Variants in RADX observed in about 807,000 individuals in gnomAD.
RADX encodes the protein RPA-related protein RADX.
A neutral mutation model predicts 61.6 loss-of-function variants in RADX; 36 were observed. The ratio of observed to expected loss-of-function variants is 0.58; its 90% CI spans 0.45 to 0.77. The LOEUF is 0.77. Ranked by LOEUF, RADX falls within the 30% of genes least tolerant of loss-of-function variation. The probability of loss-of-function intolerance (pLI) is 0.00; values close to 1 mark genes in which losing one functional copy is unlikely to be tolerated. For missense variants in RADX, 497 were observed against 651.1 expected (o/e 0.76, Z 2.58); for synonymous variants, 272 against 237.9 (o/e 1.14, Z -1.32).
At chrX:106,617,362 A>G (rs1475963174) in intron 1 of RADX, among the ~76,000 whole-genome samples, 1 of 110,710 alleles carries the variant, frequency 9.0e-6, no homozygotes, top group Non-Finnish European at 1.9e-5. Context: ...GTTCAGAAAA[A>G]GCTTATTTAT....
At chrX:106,656,306 C>A (rs990518307) in intron 11 of RADX, among the ~76,000 whole-genome samples, 2 of 111,840 alleles carry the variant, frequency 1.8e-5, no homozygotes, top group Non-Finnish European at 3.8e-5. Flanking sequence ...TCCACCACTT[C>A]TGCAGTTACT....
At chrX:106,648,421 C>T (rs1279910589) in intron 11 of RADX, 35 bp downstream of exon 11, 37 of 912,909 alleles carry the variant, frequency 4.1e-5, no homozygotes, top group Non-Finnish European at 5.2e-5. Context: ...TTTATGAAAA[C>T]TTTATGAAAC....
At chrX:106,653,764 C>T (rs180778909) in intron 11 of RADX, among the ~76,000 whole-genome samples, 40 of 110,778 alleles carry the variant, frequency 3.6e-4, no homozygotes, top group Non-Finnish European at 2.3e-4. Flanking sequence ...TCAACTCCCA[C>T]TTGTTAGTGA....
chrX:106,671,446 T>C, intron 13 of RADX, among the ~76,000 whole-genome samples: 1 of 112,049 alleles, frequency 8.9e-6, no homozygotes. Context: ...TGTGTGTCAA[T>C]AAAATCTTTA....
intron 13 of RADX, among the ~76,000 whole-genome samples, chrX:106,672,859 C>G (rs995379744): frequency 8.9e-6 from 1 of 112,142 alleles, no homozygotes. Context: ...GTCCCTCCCC[C>G]TCTTTGCTTC....
intron 13 of RADX, among the ~76,000 whole-genome samples, chrX:106,677,626 T>C (rs1446374269): frequency 1.8e-5 from 2 of 111,045 alleles, no homozygotes; most frequent in African/African-American, 6.6e-5. Context: ...AAATACACTT[T>C]AAAAGATGCA....
At chrX:106,629,976 C>G (rs1289510081) in intron 3 of RADX, among the ~76,000 whole-genome samples, 1 of 111,675 alleles carries the variant, frequency 9.0e-6, no homozygotes, top group Non-Finnish European at 1.9e-5. Flanking sequence ...TAAAATTTTA[C>G]AACTATTCAT....
Position 106,662,168 on chromosome X carries a change from T to C in RADX, c.2132T>C (p.Met711Thr). Residue 711 changes from methionine (M) to threonine (T), a missense_variant, in exon 12 of 14, where the codon ATG becomes ACG. Around this residue, in one of 3 missense-constraint regions of RADX, gnomAD observed 267 missense variants for 306.9 expected, o/e 0.87. Transcript: ENST00000372548. ...VYPESIPRKF[M>T]FEHRKFLSDQ... Reference sequence around the variant, plus strand: ...CCTGAAAGTATTCCACGGAAATTTATGTTTGAACACAGAAAGTTTCTTAGT... The same window carrying C: ...CCTGAAAGTATTCCACGGAAATTTACGTTTGAACACAGAAAGTTTCTTAGT... 2 of 1,211,005 alleles carry C rather than the reference T, an allele frequency of 1.7e-6. No homozygotes were observed. Among genetic ancestry groups the C allele is most frequent in the Non-Finnish European group, 1.1e-6 (1 of 895,261 alleles).
intron 1 of RADX, 31 bp from the exon 2 acceptor site, chrX:106,622,620 C>T (rs769211615): frequency 9.6e-7 from 1 of 1,036,409 alleles, no homozygotes; most frequent in South Asian, 2.0e-5. Context: ...ACATGTTAAA[C>T]AGGATTTCTT....
At chrX:106,672,477 A>ACTTTCTCT (rs747716278) in intron 13 of RADX, among the ~76,000 whole-genome samples, 3 of 105,092 alleles carry the variant, frequency 2.9e-5, no homozygotes, top group Non-Finnish European at 5.9e-5. Context: ...TCCCAAAGAT[A>ACTTTCTCT]CTCTCTCTCT....
intron 10 of RADX, among the ~76,000 whole-genome samples, chrX:106,643,959 G>A (rs1236796801): frequency 9.0e-6 from 1 of 111,230 alleles, no homozygotes; most frequent in East Asian, 2.8e-4. Flanking sequence ...TCTTTCATCA[G>A]TGTTTTATAG....
intron 3 of RADX, among the ~76,000 whole-genome samples, chrX:106,630,820 C>G (rs1927199058): frequency 9.0e-6 from 1 of 110,949 alleles, no homozygotes; most frequent in Admixed American, 9.6e-5. Context: ...GGCTTAGTAC[C>G]TGGGTGACAA....
intron 11 of RADX, among the ~76,000 whole-genome samples, chrX:106,656,161 T>C (rs1041275241): frequency 8.0e-5 from 9 of 112,324 alleles, no homozygotes; most frequent in African/African-American, 2.6e-4. Context: ...TCACCAGGAA[T>C]AGATTCAATC....
intron 10 of RADX, 25 bp downstream of exon 10, chrX:106,640,746 G>A: frequency 9.6e-7 from 1 of 1,046,157 alleles, no homozygotes; most frequent in African/African-American, 1.9e-5. Context: ...TTAAGTATAT[G>A]TAAAGTATAT....
intron 7 of RADX, among the ~76,000 whole-genome samples, 191 bp from the exon 8 acceptor site, chrX:106,637,569 T>C (rs73529269): frequency 0.17 from 18,589 of 111,394 alleles, 3,864 homozygotes; most frequent in African/African-American, 0.58. Context: ...TGTCTGATTT[T>C]CTTCTTAGGA....
chrX:106,665,280 G>A (rs1246214740), intron 12 of RADX, among the ~76,000 whole-genome samples: 2 of 111,700 alleles, frequency 1.8e-5, no homozygotes, highest in South Asian at 7.5e-4. Context: ...AGTAGTAAAT[G>A]TTTGAGGTTT....
chrX:106,640,634 C>T lies in RADX; in HGVS notation c.1817C>T (p.Pro606Leu), dbSNP rs765603048. ...RNGKRHQDDEPVNSQYFQTTS... is the reference protein window; with the variant it reads ...RNGKRHQDDELVNSQYFQTTS... ...GGTAAACGGCATCAAGATGATGAGC[C>T]TGTGAATTCTCAGTATTTCCAAACT... Residue 606 changes from proline to leucine, a missense_variant, in exon 10 of 14, where the codon CCT becomes CTT. Transcript: ENST00000372548. 4.2e-6 allele frequency: 5 copies of T among 1,190,898 alleles called. No individual in the cohort carries two copies. Among genetic ancestry groups the T allele is most frequent in the Non-Finnish European group, 5.7e-6 (5 of 878,371 alleles).
At chrX:106,619,602 C>T (rs767313639) in intron 1 of RADX, among the ~76,000 whole-genome samples, 2 of 111,643 alleles carry the variant, frequency 1.8e-5, no homozygotes, top group African/African-American at 6.5e-5. Context: ...AAACTTTTTT[C>T]ATTTTCTTCC....
rs781242514 is a variant in RADX at position 106,658,724 on chromosome X, C to T, written c.1979-3291C>T. On this transcript the variant is annotated intron_variant, in intron 11 of 13. Transcript: ENST00000372548. ...CATGATAACTTTGGCTTTTTAGATG[C>T]TTGTAAATTCAAAAGTCATTCATTT... is the stretch of plus-strand genomic sequence containing the variant. Among the ~76,000 whole-genome samples, 3 of 111,534 alleles carry T rather than the reference C, an allele frequency of 2.7e-5. No homozygotes were observed. In the South Asian group the frequency reaches 1.1e-3, roughly 42 times the overall value.
Sources: allele counts gnomAD v4.1 joint callset (sites outside exome capture counted in the v4.1 genomes callset), GRCh38; gene constraint gnomAD v4.1.1; regional missense constraint gnomAD v4.1.1; transcripts MANE v1.5; gene names NCBI Gene and HGNC (gene_info 2026-07-23, HGNC 2026-07-21).